The following SPOCK3 variants were observed in gnomAD, a reference collection of about 807,000 sequenced individuals.
SPOCK3 encodes the protein SPARC (osteonectin), cwcv and kazal like domains proteoglycan 3.
In SPOCK3, 30 loss-of-function variants were observed where a neutral mutation model predicts 56.6. The ratio of observed to expected loss-of-function variants is 0.53; its 90% CI spans 0.40 to 0.72. SPOCK3 has a LOEUF of 0.72. Ranked by LOEUF, SPOCK3 falls within the 30% of genes least tolerant of loss-of-function variation. The pLI is 0.00. For synonymous variants in SPOCK3, 196 were observed against 183.3 expected (o/e 1.07, Z -0.56); for missense variants, 527 against 530.0 (o/e 0.99, Z 0.06).
At chr4:166,988,899 C>G (rs1747461392) in intron 4 of SPOCK3, among the ~76,000 whole-genome samples, 1 of 152,070 alleles carries the variant, frequency 6.6e-6, no homozygotes, top group African/African-American at 2.4e-5. Flanking sequence ...ACCTAATCCT[C>G]TTCCTTATAT....
intron 6 of SPOCK3, among the ~76,000 whole-genome samples, chr4:166,838,684 G>C (rs1746891237): frequency 6.9e-6 from 1 of 144,674 alleles, no homozygotes; most frequent in South Asian, 2.6e-4. Context: ...CGGGTGTGGT[G>C]GCTCACGCCT....
chr4:166,776,370 A>C (rs2126595610), intron 7 of SPOCK3, among the ~76,000 whole-genome samples: 1 of 152,218 alleles, frequency 6.6e-6, no homozygotes, highest in African/African-American at 2.4e-5. Context: ...CCGAGATTGC[A>C]CCACTGCACT....
At chr4:166,916,994 A>T (rs1737930962) in intron 4 of SPOCK3, among the ~76,000 whole-genome samples, 1 of 152,180 alleles carries the variant, frequency 6.6e-6, no homozygotes, top group South Asian at 2.1e-4. Flanking sequence ...AGAGAGAGCT[A>T]GAAATGCTGA....
intron 2 of SPOCK3, among the ~76,000 whole-genome samples, chr4:167,100,348 A>G (rs1210475989): frequency 1.3e-5 from 2 of 151,194 alleles, no homozygotes; most frequent in Admixed American, 6.6e-5. Flanking sequence ...TGCTTAGCTC[A>G]GTAATCAAAA....
chr4:167,212,588 A>G (rs1734989850), intron 2 of SPOCK3, among the ~76,000 whole-genome samples: 1 of 152,164 alleles, frequency 6.6e-6, no homozygotes, highest in African/African-American at 2.4e-5. Context: ...TCTGGACTCA[A>G]GAAAATTTTG....
intron 6 of SPOCK3, among the ~76,000 whole-genome samples, chr4:166,809,719 A>G (rs1743568583): frequency 6.6e-6 from 1 of 152,086 alleles, no homozygotes; most frequent in Non-Finnish European, 1.5e-5. Context: ...AGATAAAGAG[A>G]TAAGCAGCCC....
chr4:166,766,098 A>G (rs531523003), intron 7 of SPOCK3, among the ~76,000 whole-genome samples: 31 of 152,204 alleles, frequency 2.0e-4, no homozygotes, highest in South Asian at 4.1e-4. Flanking sequence ...CTGAGATGAT[A>G]GGGTTTTCTA....
At chr4:167,057,806 A>C (rs1184769672) in intron 3 of SPOCK3, among the ~76,000 whole-genome samples, 1 of 152,206 alleles carries the variant, frequency 6.6e-6, no homozygotes, top group Non-Finnish European at 1.5e-5. Flanking sequence ...AGTGACGTAC[A>C]AAGAGACTTA....
At chr4:167,155,638 T>A (rs1168630212) in intron 2 of SPOCK3, among the ~76,000 whole-genome samples, 1 of 152,138 alleles carries the variant, frequency 6.6e-6, no homozygotes, top group Non-Finnish European at 1.5e-5. Context: ...CAGAATAAAT[T>A]TGAAATCACT....
At chr4:166,948,165 T>A (rs576235922) in intron 4 of SPOCK3, among the ~76,000 whole-genome samples, 1 of 152,192 alleles carries the variant, frequency 6.6e-6, no homozygotes. Context: ...GTCCTCCAGT[T>A]TCATCCCTGT....
intron 5 of SPOCK3, among the ~76,000 whole-genome samples, chr4:166,900,084 G>A (rs748203649): frequency 3.2e-4 from 49 of 152,116 alleles, no homozygotes; most frequent in Non-Finnish European, 4.4e-5. Context: ...ACCCTCATGA[G>A]CACCTTGAGC....
At chr4:166,820,929 C>T (rs984096643) in intron 6 of SPOCK3, among the ~76,000 whole-genome samples, 2 of 151,814 alleles carry the variant, frequency 1.3e-5, no homozygotes, top group East Asian at 1.9e-4. Flanking sequence ...AAAACACTAT[C>T]GATAAATGAA....
At chr4:166,889,722 C>T (rs978583956) in intron 5 of SPOCK3, among the ~76,000 whole-genome samples, 16 of 151,858 alleles carry the variant, frequency 1.1e-4, no homozygotes, top group Non-Finnish European at 4.4e-5. Flanking sequence ...ACTTGCACAG[C>T]ATCAAATGGC....
rs148732846 is a variant in SPOCK3, at chr4:167,123,522, G to A, written c.190-60985C>T. 8.9e-3 allele frequency among the ~76,000 whole-genome samples: 1,359 copies of A among 151,910 alleles called. 23 individuals carry two copies. The highest frequency in any genetic ancestry group is 0.031 in the African/African-American group (1,294 of 41,408). On this transcript the variant is annotated intron_variant, in intron 2 of 10. Transcript: ENST00000357545. ...TTCAGATAATCTACACTCCTGGCTG[G>A]ATTCAGTCATAGTTTACAATAGCCA...
At chr4:167,120,563 C>T (rs1479946537) in intron 2 of SPOCK3, among the ~76,000 whole-genome samples, 1 of 151,848 alleles carries the variant, frequency 6.6e-6, no homozygotes, top group African/African-American at 2.4e-5. Flanking sequence ...AGTGTTTGTA[C>T]TTAGTATTAT....
intron 3 of SPOCK3, among the ~76,000 whole-genome samples, chr4:167,001,684 AGT>A (rs1447634941): frequency 6.6e-6 from 1 of 152,162 alleles, no homozygotes; most frequent in African/African-American, 2.4e-5. Flanking sequence ...AAAGGCACTG[AGT>A]GTCCAGATTT....
intron 5 of SPOCK3, among the ~76,000 whole-genome samples, chr4:166,912,290 T>C (rs1049663116): frequency 1.3e-5 from 2 of 152,174 alleles, no homozygotes; most frequent in African/African-American, 4.8e-5. Flanking sequence ...AATGACAGAT[T>C]GTAGCACATT....
chr4:167,162,822 G>A (rs1246597387), intron 2 of SPOCK3, among the ~76,000 whole-genome samples: 5 of 151,706 alleles, frequency 3.3e-5, no homozygotes, highest in South Asian at 2.1e-4. Context: ...ATATGAAGAC[G>A]TGCAGTGTTC....
chr4:166,973,139 G>T (rs1221797412), intron 4 of SPOCK3, among the ~76,000 whole-genome samples: 2 of 152,148 alleles, frequency 1.3e-5, no homozygotes, highest in East Asian at 3.9e-4. Flanking sequence ...GAGTTCTCAT[G>T]AAATCTGTTG....
Sources: gnomAD v4.1 joint callset for allele counts (sites outside exome capture counted in the v4.1 genomes callset) on GRCh38, gnomAD v4.1.1 for gene constraint, MANE v1.5 for transcripts, NCBI Gene and HGNC (gene_info 2026-07-23, HGNC 2026-07-21) for gene names.